The following DLG2 variants were observed in gnomAD, a reference collection of about 807,000 sequenced individuals.
DLG2 encodes the protein disks large homolog 2.
DLG2 carries 45 observed loss-of-function variants against 132.5 expected under a neutral mutation model. That is an observed-to-expected ratio of 0.34 (90% CI 0.27 to 0.44). The LOEUF is 0.44. Ranked by LOEUF, DLG2 falls within the 20% of genes least tolerant of loss-of-function variation. The pLI is 1.00. For missense variants in DLG2, 1,045 were observed against 1,196.9 expected (o/e 0.87, Z 1.87); for synonymous variants, 424 against 419.6 (o/e 1.01, Z -0.13).
intron 19 of DLG2, among the ~76,000 whole-genome samples, chr11:83,619,030 ATACTCACTGAAGAAAAACT>A (rs1416403562): frequency 3.9e-5 from 6 of 152,142 alleles, no homozygotes; most frequent in African/African-American, 1.4e-4. Flanking sequence ...TTTATAATTA[ATACTCACTGAAGAAAAACT>A]TAAACCCGTA....
chr11:84,589,530 G>T (rs986790140), intron 6 of DLG2, among the ~76,000 whole-genome samples: 1 of 151,972 alleles, frequency 6.6e-6, no homozygotes, highest in African/African-American at 2.4e-5. Flanking sequence ...CTTATAACTA[G>T]AAGTCTAGAA....
At chr11:84,006,990 A>C (rs2094602398) in intron 11 of DLG2, among the ~76,000 whole-genome samples, 1 of 151,764 alleles carries the variant, frequency 6.6e-6, no homozygotes, top group African/African-American at 2.4e-5. Flanking sequence ...AAAAATTTAT[A>C]AACATTTTAA....
intron 3 of DLG2, among the ~76,000 whole-genome samples, chr11:85,530,393 T>C (rs1469967303): frequency 6.6e-6 from 1 of 151,738 alleles, no homozygotes; most frequent in Non-Finnish European, 1.5e-5. Flanking sequence ...TGATCTTGGC[T>C]CACTGCAACC....
intron 15 of DLG2, among the ~76,000 whole-genome samples, chr11:83,911,675 T>C (rs965261838): frequency 6.6e-6 from 1 of 152,024 alleles, no homozygotes; most frequent in Non-Finnish European, 1.5e-5. Flanking sequence ...TAATATGGAG[T>C]TATTAAATCA....
chr11:83,486,264 G>GA (rs141813606), intron 21 of DLG2: 30 of 682,438 alleles, frequency 4.4e-5, no homozygotes, highest in Middle Eastern at 2.4e-4. Flanking sequence ...GAAAATAAAA[G>GA]AAAAAAAATC....
chr11:84,822,956 A>C (rs533895093), intron 6 of DLG2, among the ~76,000 whole-genome samples: 3 of 151,926 alleles, frequency 2.0e-5, no homozygotes, highest in Non-Finnish European at 4.4e-5. Context: ...TAATATATTT[A>C]AAAGTAGTTT....
At position 83,499,656 on chromosome 11, in the gene DLG2, G is replaced by A. The variant is rs541039999; in HGVS notation, c.2194-15428C>T. On this transcript the variant is annotated intron_variant, in intron 21 of 27. Transcript: ENST00000376104. ...TTATAAGGTAAGTCTTCCTGCCCTC[G>A]AACATCAGACTCAAAGTTCTTCTGT... 8.3e-4 allele frequency among the ~76,000 whole-genome samples: 125 copies of A among 149,922 alleles called. 1 individual carries two copies. The highest frequency in any genetic ancestry group is 2.9e-3 in the African/African-American group (118 of 40,818).
intron 5 of DLG2, among the ~76,000 whole-genome samples, chr11:85,117,209 A>T (rs923023666): frequency 6.6e-6 from 1 of 152,016 alleles, no homozygotes; most frequent in Admixed American, 6.6e-5. Flanking sequence ...CCTCATCCAC[A>T]TCATAGGAGA....
At chr11:84,243,615 G>C (rs2097264050) in intron 8 of DLG2, among the ~76,000 whole-genome samples, 1 of 152,138 alleles carries the variant, frequency 6.6e-6, no homozygotes, top group African/African-American at 2.4e-5. Context: ...TGATTTAGTA[G>C]GTCTTTGGTG....
chr11:84,113,923 A>G (rs1051855649), intron 9 of DLG2, among the ~76,000 whole-genome samples: 1 of 152,134 alleles, frequency 6.6e-6, no homozygotes, highest in Non-Finnish European at 1.5e-5. Context: ...TGAAAAGCCT[A>G]TGAAAACATT....
At chr11:85,568,249 A>G (rs1321424041) in intron 3 of DLG2, among the ~76,000 whole-genome samples, 2 of 152,090 alleles carry the variant, frequency 1.3e-5, no homozygotes, top group Non-Finnish European at 2.9e-5. Context: ...TCCTGACCTC[A>G]GGTGATCCAA....
intron 7 of DLG2, among the ~76,000 whole-genome samples, chr11:84,508,331 C>G (rs1295976588): frequency 6.6e-6 from 1 of 151,786 alleles, no homozygotes. Flanking sequence ...TATATTCTCT[C>G]TCCAATATAT....
At chr11:84,145,429 C>T (rs1217186523) in intron 9 of DLG2, among the ~76,000 whole-genome samples, 1 of 152,114 alleles carries the variant, frequency 6.6e-6, no homozygotes, top group Non-Finnish European at 1.5e-5. Context: ...ACAATTGCAA[C>T]ACAATAGTGA....
intron 3 of DLG2, among the ~76,000 whole-genome samples, chr11:85,308,604 T>A (rs1260611138): frequency 6.6e-6 from 1 of 152,212 alleles, no homozygotes; most frequent in East Asian, 1.9e-4. Context: ...CCTTTGGACC[T>A]AAGTGTAATG....
intron 6 of DLG2, among the ~76,000 whole-genome samples, chr11:85,069,123 C>T (rs1042707005): frequency 6.6e-6 from 1 of 151,516 alleles, no homozygotes; most frequent in Non-Finnish European, 1.5e-5. Flanking sequence ...AACTGGATCC[C>T]CTCCTTACAC....
chr11:84,623,644 A>C (rs2099617574), intron 6 of DLG2, among the ~76,000 whole-genome samples: 1 of 152,168 alleles, frequency 6.6e-6, no homozygotes, highest in Non-Finnish European at 1.5e-5. Flanking sequence ...TTTTTGAGAA[A>C]TATTAACTAC....
At chr11:83,858,567 T>C (rs1362018689) in intron 16 of DLG2, among the ~76,000 whole-genome samples, 1 of 152,168 alleles carries the variant, frequency 6.6e-6, no homozygotes, top group South Asian at 2.1e-4. Context: ...CCTTAGATCA[T>C]TTTCTCACAA....
At chr11:83,553,889 C>CTTTTTTTTTTTTTT (rs57434000) in intron 19 of DLG2, among the ~76,000 whole-genome samples, 1 of 142,888 alleles carries the variant, frequency 7.0e-6, no homozygotes, top group African/African-American at 2.6e-5. Flanking sequence ...ACAATCTTTT[C>CTTTTTTTTTTTTTT]TTTTTTTTTC....
At chr11:84,500,345 G>A (rs1388825344) in intron 7 of DLG2, among the ~76,000 whole-genome samples, 6 of 128,504 alleles carry the variant, frequency 4.7e-5, no homozygotes, top group Non-Finnish European at 1.0e-4. Flanking sequence ...TTATTTGGTT[G>A]CAAGAAAAAA....
Sources: gnomAD v4.1 joint callset for allele counts (sites outside exome capture counted in the v4.1 genomes callset) on GRCh38, gnomAD v4.1.1 for gene constraint, MANE v1.5 for transcripts, NCBI Gene and HGNC (gene_info 2026-07-23, HGNC 2026-07-21) for gene names.